Variants in MCOLN2 observed in about 807,000 individuals in gnomAD.
MCOLN2 encodes mucolipin-2.
Under a neutral mutation model 67.5 loss-of-function variants are expected in MCOLN2, and 57 were observed. The observed-to-expected ratio is 0.84, with a 90% CI of 0.68 to 1.05. The LOEUF (loss-of-function observed/expected upper bound fraction) is 1.05, where lower values mean the gene tolerates loss of function less well. Among genes scored for constraint, MCOLN2 ranks in the 50% least tolerant of loss-of-function variants. MCOLN2 has a pLI of 0.00. For synonymous variants in MCOLN2, 246 were observed against 233.3 expected, an observed-to-expected ratio of 1.05 and a Z score of -0.50; for missense variants, 620 against 678.8, an observed-to-expected ratio of 0.91 and a Z score of 0.96.
chr1:84,951,763 C>T (rs1648483444), intron 6 of MCOLN2, among the ~76,000 whole-genome samples: 1 of 152,188 alleles, frequency 6.6e-6, no homozygotes, highest in Non-Finnish European at 1.5e-5. Context: ...AAGTAATGGT[C>T]TCTGGATCAA....
chr1:84,964,420 G>A lies in MCOLN2; in HGVS notation c.237+1129C>T, dbSNP rs193177801. Among the ~76,000 whole-genome samples the A allele has an allele frequency of 1.9e-3, 289 of 150,632 alleles. 1 individual carries two copies. Among genetic ancestry groups the A allele is most frequent in the Non-Finnish European group, 2.4e-3 (160 of 67,866 alleles). On this transcript the variant is annotated intron_variant, in intron 2 of 13. Coordinates refer to ENST00000370608, the MANE Select transcript of MCOLN2 (RefSeq NM_153259.4). Reference sequence around the variant, plus strand: ...ATATCCCCAATCAGTTTAAAAGGGCGTGTGTTTCAAATATGGTTAACTACA... The same window carrying A: ...ATATCCCCAATCAGTTTAAAAGGGCATGTGTTTCAAATATGGTTAACTACA...
rs756757134 is a variant in MCOLN2 at position 84,947,045 on chromosome 1, T to C, written c.835A>G (p.Ile279Val). 2.6e-6 allele frequency: 4 copies of C among 1,531,224 alleles called. No homozygotes were observed. The highest frequency in any genetic ancestry group is 1.4e-5 in the African/African-American group (1 of 73,334). The allele number at this position is 1,531,224 out of a possible 1,614,324, so 94.9% of individuals were successfully genotyped here. The change falls in exon 7 of 14, where the codon ATA becomes GTA. Residue 279 changes from isoleucine to valine, a missense_variant. Coordinates refer to ENST00000370608, the MANE Select transcript of MCOLN2 (RefSeq NM_153259.4). ...AKIEECKDLN[I>V]FGSTQKNAQY... ...ATAGCATACTTACTAGATCCAAATA[T>C]GTTCAAGTCTTTACATTCTTCAATT...
chr1:84,985,147 T>A (rs185395824), intron 1 of MCOLN2, among the ~76,000 whole-genome samples: 16 of 152,070 alleles, frequency 1.1e-4, no homozygotes, highest in African/African-American at 3.6e-4. Flanking sequence ...AGCATTTACC[T>A]CCTCAAGCTG....
chr1:84,987,584 A>ATACATGTATG (rs1557666025), intron 1 of MCOLN2, among the ~76,000 whole-genome samples: 1 of 58,762 alleles, frequency 1.7e-5, no homozygotes, highest in Non-Finnish European at 3.2e-5. Context: ...ATACATAGAT[A>ATACATGTATG]TATACATATG....
intron 7 of MCOLN2, among the ~76,000 whole-genome samples, chr1:84,942,066 C>CT (rs1647819254): frequency 6.6e-6 from 1 of 152,198 alleles, no homozygotes; most frequent in Non-Finnish European, 1.5e-5. Flanking sequence ...GCTGATCTGT[C>CT]TGCCTGGAAC....
At chr1:84,988,759 C>T (rs1414488801) in intron 1 of MCOLN2, among the ~76,000 whole-genome samples, 1 of 152,134 alleles carries the variant, frequency 6.6e-6, no homozygotes, top group Non-Finnish European at 1.5e-5. Flanking sequence ...TTCCCCTTCT[C>T]TCAGAGTAAA....
At chr1:84,971,129 A>G (rs1326122735) in intron 1 of MCOLN2, among the ~76,000 whole-genome samples, 1 of 152,216 alleles carries the variant, frequency 6.6e-6, no homozygotes, top group Non-Finnish European at 1.5e-5. Context: ...AATATGAAAG[A>G]TGAAAAATGA....
intron 11 of MCOLN2, chr1:84,937,546 T>C: frequency 7.9e-7 from 1 of 1,265,278 alleles, no homozygotes; most frequent in East Asian, 2.9e-5. Context: ...ACATGCTTTC[T>C]AGTATTGTAC....
rs762271104 is a variant in MCOLN2, at chr1:84,926,693, T to C, written c.1693A>G (p.Ile565Val). The change falls in exon 14 of 14, where the codon ATT (isoleucine) becomes GTT (valine). Residue 565 changes from isoleucine to valine, a missense_variant. Ile to Val is a conservative substitution (Grantham distance 29). Coordinates refer to ENST00000370608, the MANE Select transcript of MCOLN2 (RefSeq NM_153259.4). ...RKRSDDHLIP[I>V]S is the part of the protein sequence containing the mutation. ...TCATCTTTAGCAGAACTTTAGCTAATAGGTATCAAGTGATCATCACTTCTT... is the reference window on the plus strand; with the variant it reads ...TCATCTTTAGCAGAACTTTAGCTAACAGGTATCAAGTGATCATCACTTCTT... The C allele has an allele frequency of 1.9e-6, 3 of 1,594,498 alleles. No homozygotes were observed. The highest frequency in any genetic ancestry group is 2.6e-6 in the Non-Finnish European group (3 of 1,167,838).
At chr1:84,929,896 G>C in intron 12 of MCOLN2, 4 of 309,192 alleles carry the variant, frequency 1.3e-5, no homozygotes, top group Non-Finnish European at 1.8e-5. Context: ...AAAAACTTCA[G>C]AAAGAAAGCA....
At chr1:84,962,299 C>T (rs1443913386) in intron 2 of MCOLN2, among the ~76,000 whole-genome samples, 1 of 152,028 alleles carries the variant, frequency 6.6e-6, no homozygotes, top group Non-Finnish European at 1.5e-5. Context: ...TAATCCCAGC[C>T]CTTTGGGAGG....
intron 2 of MCOLN2, among the ~76,000 whole-genome samples, chr1:84,965,062 A>T (rs915421426): frequency 1.3e-5 from 2 of 152,192 alleles, no homozygotes; most frequent in Non-Finnish European, 2.9e-5. Context: ...GATCATGGTA[A>T]TAAAGAGCTC....
At chr1:84,966,709 G>T (rs1192028017) in intron 1 of MCOLN2, among the ~76,000 whole-genome samples, 1 of 151,962 alleles carries the variant, frequency 6.6e-6, no homozygotes, top group Non-Finnish European at 1.5e-5. Context: ...ATAAAATTTT[G>T]CTTTTACTAT....
intron 1 of MCOLN2, among the ~76,000 whole-genome samples, chr1:84,966,687 C>T (rs1461382848): frequency 1.3e-5 from 2 of 152,054 alleles, no homozygotes; most frequent in Non-Finnish European, 2.9e-5. Context: ...AGATATTTGT[C>T]ACTTTATATT....
chr1:84,942,079 C>G (rs933564485), intron 7 of MCOLN2, among the ~76,000 whole-genome samples: 4 of 152,202 alleles, frequency 2.6e-5, no homozygotes, highest in African/African-American at 9.7e-5. Context: ...CCTGGAACAG[C>G]ACTTCTCCCA....
chr1:84,980,925 T>C (rs1349566482), intron 1 of MCOLN2, among the ~76,000 whole-genome samples: 2 of 152,072 alleles, frequency 1.3e-5, no homozygotes, highest in Non-Finnish European at 2.9e-5. Flanking sequence ...CCAGAACATA[T>C]AAGGAGTTCA....
At chr1:84,976,312 C>A (rs1006066728) in intron 1 of MCOLN2, among the ~76,000 whole-genome samples, 6 of 152,012 alleles carry the variant, frequency 3.9e-5, no homozygotes, top group Non-Finnish European at 8.8e-5. Context: ...AAATAACATA[C>A]AATGAAGCAT....
intron 2 of MCOLN2, among the ~76,000 whole-genome samples, chr1:84,960,408 A>G (rs1237421504): frequency 6.6e-6 from 1 of 152,230 alleles, no homozygotes; most frequent in East Asian, 1.9e-4. Context: ...AAAGTTCTTT[A>G]GGATGCTTCT....
Position 84,982,078 on chromosome 1 carries a change from T to TG in MCOLN2, c.77+14717_77+14718insC, listed in dbSNP as rs1467679579. Among the ~76,000 whole-genome samples the TG allele has an allele frequency of 1.3e-4, 19 of 151,378 alleles. No individual in the cohort carries two copies. The South Asian group carries it at 2.5e-3, about 20-fold the overall frequency. On this transcript the variant is annotated intron_variant, in intron 1 of 13. Coordinates refer to ENST00000370608, the MANE Select transcript of MCOLN2 (RefSeq NM_153259.4). Reference sequence around the variant, plus strand: ...TCTAAATGTTGTTAGCCATGGGTTTTTTTTTTTTTAAAAAAAAGATGAAAA... The same window carrying TG: ...TCTAAATGTTGTTAGCCATGGGTTTTGTTTTTTTTTAAAAAAAAGATGAAAA...
Sources: gnomAD v4.1 joint callset for allele counts (sites outside exome capture counted in the v4.1 genomes callset) on GRCh38, gnomAD v4.1.1 for gene constraint, MANE v1.5 for transcripts, NCBI Gene and HGNC (gene_info 2026-07-23, HGNC 2026-07-21) for gene names.